LPIN1: variants seen among roughly 807,000 people sequenced by gnomAD.
The protein encoded by LPIN1 is phosphatidate phosphatase LPIN1.
A neutral mutation model predicts 107.5 loss-of-function variants in LPIN1; 71 were observed. The observed-to-expected ratio is 0.66, with a 90% CI of 0.55 to 0.80. The LOEUF (loss-of-function observed/expected upper bound fraction) is 0.80. Ranked by LOEUF, LPIN1 falls within the 30% of genes least tolerant of loss-of-function variation. LPIN1 has a pLI of 0.00. For synonymous variants in LPIN1, 445 were observed against 452.6 expected (o/e 0.98, Z 0.21); for missense variants, 1,043 against 1,160.6 (o/e 0.90, Z 1.47).
chr2:11,711,702 A>G (rs546962548), intron 1 of LPIN1, among the ~76,000 whole-genome samples: 1 of 152,262 alleles, frequency 6.6e-6, no homozygotes, highest in Admixed American at 6.5e-5. Context: ...TTCAGAGCTC[A>G]TCTTCCTCTT....
chr2:11,745,977 T>C (rs1666858728), upstream of LPIN1: 1 of 152,232 alleles, frequency 6.6e-6, no homozygotes, highest in African/African-American at 2.4e-5. Flanking sequence ...TGTGGCTCAT[T>C]GTTTATCCGC....
In LPIN1 at chr2:11,765,383, T is replaced by G; in HGVS notation, c.-9-150T>G. On this transcript the variant is annotated intron_variant, in intron 1 of 20. Coordinates refer to ENST00000674199, the MANE Select transcript of LPIN1 (RefSeq NM_001349206.2). This position sits in a 1 kb window ranked among gnomAD's most constrained non-coding sequence, Gnocchi z 4.4. Reference sequence around the variant, plus strand: ...GGCCCTGATGGACCCTGATGGGCTATGGGGGTGGATAGAACACATTCCGGA... The same window carrying G: ...GGCCCTGATGGACCCTGATGGGCTAGGGGGGTGGATAGAACACATTCCGGA... 1 of 704,668 alleles carries G rather than the reference T, an allele frequency of 1.4e-6. No homozygotes were observed. Among genetic ancestry groups the G allele is most frequent in the Non-Finnish European group, 2.4e-6 (1 of 424,908 alleles). 43.7% of individuals were successfully genotyped at this position (704,668 alleles called of 1,614,324 possible).
At chr2:11,758,189 C>T (rs768035114) in intron 1 of LPIN1, among the ~76,000 whole-genome samples, 1 of 152,024 alleles carries the variant, frequency 6.6e-6, no homozygotes, top group Non-Finnish European at 1.5e-5. Flanking sequence ...GAGTTGCTGC[C>T]TCCTTTTGGC....
intron 1 of LPIN1, among the ~76,000 whole-genome samples, chr2:11,750,542 T>C (rs1054230418): frequency 6.6e-6 from 1 of 152,240 alleles, no homozygotes; most frequent in Non-Finnish European, 1.5e-5. Flanking sequence ...CCGGATTTTG[T>C]CTGGAACCAG....
At chr2:11,806,563 C>T (rs976082837) in intron 17 of LPIN1, among the ~76,000 whole-genome samples, 2 of 152,084 alleles carry the variant, frequency 1.3e-5, no homozygotes, top group Non-Finnish European at 2.9e-5. Context: ...AGATTCCCCC[C>T]CATCTCTCTA....
At chr2:11,779,772 A>G in intron 7 of LPIN1, 127 bp downstream of exon 7, 1 of 1,090,248 alleles carries the variant, frequency 9.2e-7, no homozygotes, top group Non-Finnish European at 1.4e-6. Context: ...AAAATATATT[A>G]AGGGTTAGCC....
rs541889062 is a variant in LPIN1, at chr2:11,757,214, T to C, written c.-9-8319T>C. Among the ~76,000 whole-genome samples, 4 of 151,894 alleles carry C rather than the reference T, an allele frequency of 2.6e-5. No homozygotes were observed. The East Asian group carries it at 5.8e-4, about 22-fold the overall frequency. ...CATCTGAAAGCCGTTCCACTGGAAA[T>C]TGAAGCCTTCCATTTGGTCCTCTGC... On this transcript the variant is annotated intron_variant, in intron 1 of 20. Transcript: ENST00000674199.
intron 14 of LPIN1, among the ~76,000 whole-genome samples, chr2:11,801,742 TAGAAG>T (rs779893717): frequency 1.8e-4 from 27 of 152,090 alleles, no homozygotes; most frequent in Non-Finnish European, 2.8e-4. Context: ...TCAAAATAGT[TAGAAG>T]AGAAGATTTG....
At chr2:11,742,970 C>T (rs905754321), upstream of LPIN1, among the ~76,000 whole-genome samples, 8 of 152,248 alleles carry the variant, frequency 5.3e-5, no homozygotes, top group African/African-American at 1.9e-4. Flanking sequence ...TTGCCTAGGT[C>T]GGTGCCTGCT....
At chr2:11,747,661 T>C (rs1235542388) in intron 1 of LPIN1, among the ~76,000 whole-genome samples, 1 of 152,164 alleles carries the variant, frequency 6.6e-6, no homozygotes, top group African/African-American at 2.4e-5. Context: ...GTTCCGTAAT[T>C]TGGGTCTTAT....
At chr2:11,711,364 G>C (rs755460507) in intron 1 of LPIN1, among the ~76,000 whole-genome samples, 1 of 152,164 alleles carries the variant, frequency 6.6e-6, no homozygotes, top group Non-Finnish European at 1.5e-5. Flanking sequence ...GCCATATTAA[G>C]CAACGTATAG....
intron 1 of LPIN1, among the ~76,000 whole-genome samples, chr2:11,708,801 AG>A (rs1469625787): frequency 6.6e-6 from 1 of 152,148 alleles, no homozygotes; most frequent in Non-Finnish European, 1.5e-5. Flanking sequence ...TCTCAATGGG[AG>A]GAAGGGAAGG....
At chr2:11,821,198 G>C (rs1483871689) in intron 20 of LPIN1, among the ~76,000 whole-genome samples, 1 of 152,124 alleles carries the variant, frequency 6.6e-6, no homozygotes, top group Non-Finnish European at 1.5e-5. Context: ...ACCTCTTCTG[G>C]TCTGGTCTGT....
chr2:11,771,730 G>A lies in LPIN1; in HGVS notation c.596+51G>A. The A allele has an allele frequency of 6.7e-7, 1 of 1,487,972 alleles. No individual in the cohort carries two copies. Among genetic ancestry groups the A allele is most frequent in the Non-Finnish European group, 9.2e-7 (1 of 1,092,676 alleles). 92.2% of individuals were successfully genotyped at this position (1,487,972 alleles called of 1,614,324 possible). A position where few individuals can be genotyped will look rare whatever the true frequency, so the allele number is the denominator to read the frequency against. ...CTGTGCCAGAATCAGACAGTTAACT[G>A]TTCAAGATTATTTTTATGAACTTTT... is the stretch of plus-strand genomic sequence containing the variant. On this transcript the variant is annotated intron_variant, in intron 4 of 20. Transcript: ENST00000674199. The surrounding 1 kb of genome is among the most constrained non-coding windows in gnomAD (Gnocchi z 4.8).
At chr2:11,738,360 T>A (rs1438901614) in intron 1 of LPIN1, among the ~76,000 whole-genome samples, 1 of 148,712 alleles carries the variant, frequency 6.7e-6, no homozygotes, top group African/African-American at 2.5e-5. Flanking sequence ...GTTCTGCACA[T>A]GTATCCCACA....
At chr2:11,755,887 T>A (rs756653754) in intron 1 of LPIN1, among the ~76,000 whole-genome samples, 4 of 151,966 alleles carry the variant, frequency 2.6e-5, no homozygotes, top group African/African-American at 7.3e-5. Context: ...GTGCCTGGCT[T>A]ATTTTTTGTA....
intron 14 of LPIN1, among the ~76,000 whole-genome samples, chr2:11,801,022 A>G (rs75707118): frequency 0.026 from 3,892 of 152,294 alleles, 185 homozygotes; most frequent in African/African-American, 0.089. Flanking sequence ...AACATCACTA[A>G]TCAGGAAAGT....
chr2:11,786,969 C>T lies in LPIN1; in HGVS notation c.1550-105C>T. 1 of 803,302 alleles carries T rather than the reference C, an allele frequency of 1.2e-6. No individual in the cohort carries two copies. The highest frequency in any genetic ancestry group is 2.2e-6 in the Non-Finnish European group (1 of 452,114). 49.8% of individuals were successfully genotyped at this position (803,302 alleles called of 1,614,324 possible). ...GGATTGTCTGCACAGTTGGAATGCACAAACTCTCAGAAAACACTTGTGAGT... is the reference window on the plus strand; with the variant it reads ...GGATTGTCTGCACAGTTGGAATGCATAAACTCTCAGAAAACACTTGTGAGT... On this transcript the variant is annotated intron_variant, in intron 10 of 20. Coordinates refer to ENST00000674199, the MANE Select transcript of LPIN1 (RefSeq NM_001349206.2). The surrounding 1 kb of genome is among the most constrained non-coding windows in gnomAD (Gnocchi z 4.1).
At chr2:11,726,791 C>T (rs908854584) in intron 1 of LPIN1, among the ~76,000 whole-genome samples, 5 of 152,214 alleles carry the variant, frequency 3.3e-5, no homozygotes, top group Non-Finnish European at 7.3e-5. Context: ...AGTGAGTTGT[C>T]ATGCCTCTGC....
Sources: allele counts gnomAD v4.1 joint callset (sites outside exome capture counted in the v4.1 genomes callset), GRCh38; gene constraint gnomAD v4.1.1; non-coding constraint Gnocchi (gnomAD v3.1); transcripts MANE v1.5; gene names NCBI Gene and HGNC (gene_info 2026-07-23, HGNC 2026-07-21).